The following MBTPS2 variants were observed in gnomAD, a reference collection of about 807,000 sequenced individuals.
The protein encoded by MBTPS2 is membrane-bound transcription factor site-2 protease.
Under a neutral mutation model 35.4 loss-of-function variants are expected in MBTPS2, and 2 were observed. The observed-to-expected ratio is 0.06, with a 90% CI of 0.02 to 0.18. The LOEUF (loss-of-function observed/expected upper bound fraction) is 0.18, where lower values mean the gene tolerates loss of function less well. MBTPS2 is among the 10% of genes least tolerant of loss of function. The probability of loss-of-function intolerance (pLI) is 1.00; values close to 1 mark genes in which losing one functional copy is unlikely to be tolerated. For synonymous variants in MBTPS2, 125 were observed against 140.4 expected (o/e 0.89, Z 0.77); for missense variants, 244 against 386.5 (o/e 0.63, Z 3.09).
chrX:21,874,017 A>ATATG (rs2092950307), intron 7 of MBTPS2, among the ~76,000 whole-genome samples: 1 of 87,240 alleles, frequency 1.1e-5, no homozygotes, highest in Non-Finnish European at 2.2e-5. Context: ...ATATATATAT[A>ATATG]TACTTTTTTT....
Position 21,878,608 on chromosome X carries a change from A to G in MBTPS2, c.1177A>G (p.Thr393Ala). 5.8e-6 allele frequency: 7 copies of G among 1,204,356 alleles called. No individual in the cohort carries two copies. The highest frequency in any genetic ancestry group is 7.9e-6 in the Non-Finnish European group (7 of 889,159). The change falls in exon 9 of 11, where the codon ACT becomes GCT. Residue 393 changes from threonine to alanine, a missense_variant. Transcript: ENST00000379484. ...TTTCTGTATAATACCTTCTTTGGAA[A>G]CTCACACTCGCTTAATAAAAGTAAA... ...SSFCIIPSLETHTRLIKVKHP... is the reference protein window; with the variant it reads ...SSFCIIPSLEAHTRLIKVKHP...
intron 1 of MBTPS2, among the ~76,000 whole-genome samples, chrX:21,840,316 G>A (rs897438726): frequency 4.5e-5 from 5 of 112,283 alleles, no homozygotes; most frequent in African/African-American, 1.3e-4. Context: ...GCAGGTCTGC[G>A]GCAAGGCCTA....
chrX:21,849,984 G>A (rs1217060178), intron 3 of MBTPS2, among the ~76,000 whole-genome samples: 5 of 96,781 alleles, frequency 5.2e-5, no homozygotes, highest in African/African-American at 1.6e-4. Context: ...CCGAGATCGC[G>A]CCATTGCACT....
At position 21,882,790 on chromosome X, in the gene MBTPS2, G is replaced by A; in HGVS notation, c.*135G>A. The stretch of plus-strand genomic sequence containing the variant: ...ATTACATCTTAGCCAACAACCCTGA[G>A]CTCCTCCCATATCCAGAGTACCCAA... On this transcript the variant is annotated 3_prime_UTR_variant, in exon 11 of 11. Transcript: ENST00000379484. 1 of 1,139,553 alleles carries A rather than the reference G, an allele frequency of 8.8e-7. No homozygotes were observed. Among genetic ancestry groups the A allele is most frequent in the Non-Finnish European group, 1.2e-6 (1 of 859,956 alleles). The allele number at this position is 1,139,553 out of a possible 1,213,427, so 93.9% of individuals were successfully genotyped here.
intron 5 of MBTPS2, among the ~76,000 whole-genome samples, chrX:21,863,007 G>A (rs1229354276): frequency 1.5e-4 from 12 of 80,873 alleles, no homozygotes; most frequent in African/African-American, 4.6e-4. Context: ...TGTAATCCCA[G>A]CACTTTGGGA....
At chrX:21,867,511 G>A (rs2092941600) in intron 5 of MBTPS2, among the ~76,000 whole-genome samples, 2 of 110,751 alleles carry the variant, frequency 1.8e-5, no homozygotes, top group African/African-American at 6.6e-5. Flanking sequence ...CTTACATAAT[G>A]TTAGGGGCGA....
Position 21,882,622 on chromosome X carries a change from G to C in MBTPS2, c.1527G>C (p.Val509=). 2 of 1,211,602 alleles carry C rather than the reference G, an allele frequency of 1.7e-6. No individual in the cohort carries two copies. Among genetic ancestry groups the C allele is most frequent in the Non-Finnish European group, 2.2e-6 (2 of 895,315 alleles). Reference sequence around the variant, plus strand: ...GCAGTGTACTTTTGGCTGCCAATGTGACCCTGGGACTCTGGATGGTTACAG... The same window carrying C: ...GCAGTGTACTTTTGGCTGCCAATGTCACCCTGGGACTCTGGATGGTTACAG... ...LGGSVLLAAN[V]TLGLWMVTAR Residue 509 remains valine, a synonymous_variant, in exon 11 of 11, where the codon GTG becomes GTC. Transcript: ENST00000379484.
In MBTPS2 at chrX:21,843,244, A is replaced by C. The variant is rs746925459; in HGVS notation, c.150A>C (p.Ile50=). ...GACTGAGCATCTCCCCTTTCCACAT[A>C]AGATGGCAAACTGCTGTTTTCAATC... ...NNGLSISPFH[I]RWQTAVFNRA... The change falls in exon 2 of 11, where the codon ATA becomes ATC. Residue 50 remains isoleucine (I), a synonymous_variant. Transcript: ENST00000379484. 8.3e-7 allele frequency: 1 copy of C among 1,210,464 alleles called. No homozygotes were observed.
At position 21,884,965 on chromosome X, in the gene MBTPS2, G is replaced by A; in HGVS notation, c.*2310G>A. The A allele has an allele frequency of 5.3e-6, 4 of 752,565 alleles. No individual in the cohort carries two copies. In the South Asian group the frequency reaches 2.7e-4, roughly 51 times the overall value. The allele number at this position is 752,565 out of a possible 1,213,427, so 62.0% of individuals were successfully genotyped here. Reference sequence around the variant, plus strand: ...GTTTCTGTAGAGTGATTGGAAAAATGGATTATTTTGAGGATTGAAGAAAGT... The same window carrying A: ...GTTTCTGTAGAGTGATTGGAAAAATAGATTATTTTGAGGATTGAAGAAAGT... On this transcript the variant is annotated 3_prime_UTR_variant, in exon 11 of 11. Transcript: ENST00000379484.
chrX:21,839,847 C>T (rs771579860), intron 1 of MBTPS2, 38 bp downstream of exon 1: 2 of 1,137,482 alleles, frequency 1.8e-6, no homozygotes, highest in East Asian at 3.2e-5. Context: ...CCCGCGGTGC[C>T]CATGGCCGGA....
In MBTPS2 at chrX:21,868,517, C is replaced by G; in HGVS notation, c.721C>G (p.Leu241Val). 1 of 1,210,033 alleles carries G rather than the reference C, an allele frequency of 8.3e-7. No individual in the cohort carries two copies. Among genetic ancestry groups the G allele is most frequent in the Non-Finnish European group, 1.1e-6 (1 of 894,138 alleles). The change falls in exon 6 of 11, where the codon CTC becomes GTC. Residue 241 changes from leucine (L) to valine (V), a missense_variant. By Grantham distance (32) the Leu-to-Val change is conservative (BLOSUM62 1). Coordinates refer to ENST00000379484, the MANE Select transcript of MBTPS2 (RefSeq NM_015884.4). The stretch of plus-strand genomic sequence containing the variant: ...ACTCTTGGGTATTTTAGCTCTTGTT[C>G]TCCTCCCAGTAATTCTCTTGCCATT... ...LALLGILALVLLPVILLPFYY... is the reference protein window; with the variant it reads ...LALLGILALVVLPVILLPFYY...
intron 4 of MBTPS2, among the ~76,000 whole-genome samples, chrX:21,853,019 T>C (rs969890856): frequency 6.3e-5 from 7 of 111,300 alleles, no homozygotes; most frequent in Non-Finnish European, 1.1e-4. Context: ...CTGAAAATAG[T>C]TCAGAGTAAA....
At chrX:21,863,022 G>A (rs1288624702) in intron 5 of MBTPS2, among the ~76,000 whole-genome samples, 2 of 86,698 alleles carry the variant, frequency 2.3e-5, no homozygotes, top group Non-Finnish European at 4.5e-5. Context: ...TTGGGAGGCG[G>A]AGGTGGGAGG....
chrX:21,854,506 A>G (rs2147435156), intron 5 of MBTPS2, among the ~76,000 whole-genome samples: 1 of 112,490 alleles, frequency 8.9e-6, no homozygotes, highest in African/African-American at 3.2e-5. Context: ...AATGATGAGC[A>G]GAACATAACA....
At position 21,880,940 on chromosome X, in the gene MBTPS2, A is replaced by G; in HGVS notation, c.1305A>G (p.Ile435Met). The change falls in exon 10 of 11, where the codon ATA (isoleucine) becomes ATG (methionine). Residue 435 changes from isoleucine to methionine, a missense_variant. Physicochemically the swap from Ile to Met is conservative, Grantham distance 10. Coordinates refer to ENST00000379484, the MANE Select transcript of MBTPS2 (RefSeq NM_015884.4). ...TCCCACGTTTTAACTTTCTAAGCATAGATCTGCCAGTGGTTGTGGAGACAT... is the reference window on the plus strand; with the variant it reads ...TCCCACGTTTTAACTTTCTAAGCATGGATCTGCCAGTGGTTGTGGAGACAT... ...SFIPRFNFLS[I>M]DLPVVVETFV... is the part of the protein sequence containing the mutation. The G allele has an allele frequency of 8.3e-7, 1 of 1,205,053 alleles. No individual in the cohort carries two copies. Among genetic ancestry groups the G allele is most frequent in the Non-Finnish European group, 1.1e-6 (1 of 889,309 alleles).
chrX:21,863,315 T>A (rs1483797773), intron 5 of MBTPS2, among the ~76,000 whole-genome samples: 2 of 105,168 alleles, frequency 1.9e-5, no homozygotes, highest in Admixed American at 1.0e-4. Context: ...ACTATAAAAC[T>A]GTCTTGAAAA....
intron 8 of MBTPS2, 134 bp downstream of exon 8, chrX:21,878,270 C>A: frequency 1.9e-6 from 1 of 528,878 alleles, no homozygotes; most frequent in Admixed American, 3.3e-5. Context: ...CTCTACATTT[C>A]ACATGTCACA....
chrX:21,861,488 G>T (rs772681303), intron 5 of MBTPS2, among the ~76,000 whole-genome samples: 2 of 111,566 alleles, frequency 1.8e-5, no homozygotes, highest in Non-Finnish European at 3.8e-5. Flanking sequence ...TTACTCTGTA[G>T]CAGATATAAT....
At chrX:21,853,597 ATATCT>A (rs1426372156) in intron 5 of MBTPS2, 94 bp downstream of exon 5, 20 of 870,089 alleles carry the variant, frequency 2.3e-5, no homozygotes. Context: ...ACAAATGACA[ATATCT>A]TATCTTTTGG....
Sources: allele counts gnomAD v4.1 joint callset (sites outside exome capture counted in the v4.1 genomes callset), GRCh38; gene constraint gnomAD v4.1.1; transcripts MANE v1.5; gene names NCBI Gene and HGNC (gene_info 2026-07-23, HGNC 2026-07-21).